Variants in STK3 observed in about 807,000 individuals in gnomAD.
STK3 encodes serine/threonine kinase 3.
In STK3, 41 loss-of-function variants were observed where a neutral mutation model predicts 58.0. The ratio of observed to expected loss-of-function variants is 0.71; its 90% CI spans 0.55 to 0.92. The LOEUF is 0.92. Among genes scored for constraint, STK3 ranks in the 40% least tolerant of loss-of-function variants. The pLI, the probability that STK3 is intolerant of heterozygous loss-of-function variation, is 0.00. For missense variants in STK3, 479 were observed against 602.7 expected, an observed-to-expected ratio of 0.79 and a Z score of 2.15; for synonymous variants, 170 against 191.0, an observed-to-expected ratio of 0.89 and a Z score of 0.91.
intron 6 of STK3, among the ~76,000 whole-genome samples, chr8:98,625,493 C>T (rs1475887882): frequency 1.3e-5 from 2 of 152,122 alleles, no homozygotes; most frequent in Non-Finnish European, 2.9e-5. Context: ...CAGAAAAAGC[C>T]CAAAGTGCCA....
At chr8:98,778,674 T>C (rs1180607091) in intron 1 of STK3, among the ~76,000 whole-genome samples, 1 of 152,110 alleles carries the variant, frequency 6.6e-6, no homozygotes, top group Non-Finnish European at 1.5e-5. Flanking sequence ...ATGTGGTACA[T>C]ATACACCATG....
chr8:98,463,393 C>A (rs1586622588), intron 10 of STK3, among the ~76,000 whole-genome samples: 1 of 150,788 alleles, frequency 6.6e-6, no homozygotes, highest in Non-Finnish European at 1.5e-5. Context: ...AAAAAAAAAA[C>A]CAAGTAAAAG....
chr8:98,694,355 C>CTT (rs745811477), intron 6 of STK3, among the ~76,000 whole-genome samples: 2 of 151,112 alleles, frequency 1.3e-5, no homozygotes, highest in Admixed American at 6.6e-5. Context: ...TAAAATAATT[C>CTT]TTTTTTTTTC....
At chr8:98,783,654 C>T (rs1163977657) in intron 1 of STK3, among the ~76,000 whole-genome samples, 1 of 152,194 alleles carries the variant, frequency 6.6e-6, no homozygotes, top group Non-Finnish European at 1.5e-5. Flanking sequence ...AAAGATTTCT[C>T]TATAGCATGT....
At chr8:98,762,064 T>C (rs1217778787) in intron 3 of STK3, among the ~76,000 whole-genome samples, 1 of 152,140 alleles carries the variant, frequency 6.6e-6, no homozygotes, top group Non-Finnish European at 1.5e-5. Flanking sequence ...ATGACCTCCC[T>C]GGGAAAACTT....
Position 98,428,215 on chromosome 8 carries a change from C to T in STK3, n.483+5912G>A, listed in dbSNP as rs1415930880. 2 of 1,614,146 alleles carry T rather than the reference C, an allele frequency of 1.2e-6. No homozygotes were observed. The highest frequency in any genetic ancestry group is 1.1e-5 in the South Asian group (1 of 91,080). On this transcript the variant is annotated intron_variant and non_coding_transcript_variant, in intron 3 of 3. Transcript: ENST00000517832. The surrounding 1 kb of genome is among the most constrained non-coding windows in gnomAD (Gnocchi z 6.7). ...TTCGACCGCAACCCTGAGCTCTTCC[C>T]CTACGTGCTGCATTTCTATCACACC... is the stretch of plus-strand genomic sequence containing the variant.
chr8:98,532,926 C>T (rs1381098351), intron 9 of STK3, among the ~76,000 whole-genome samples: 1 of 152,020 alleles, frequency 6.6e-6, no homozygotes, highest in Non-Finnish European at 1.5e-5. Context: ...TAAGTATAAT[C>T]CATTAAAGTG....
intron 6 of STK3, among the ~76,000 whole-genome samples, chr8:98,627,719 TCAG>T (rs1818845574): frequency 6.6e-6 from 1 of 152,080 alleles, no homozygotes; most frequent in South Asian, 2.1e-4. Flanking sequence ...TTACCCAGCT[TCAG>T]GTATTTATTT....
At chr8:98,544,329 T>C (rs1209223205) in intron 9 of STK3, among the ~76,000 whole-genome samples, 1 of 152,166 alleles carries the variant, frequency 6.6e-6, no homozygotes, top group Non-Finnish European at 1.5e-5. Context: ...AAAGTTTGGG[T>C]AATGTAATTT....
chr8:98,704,464 A>T (rs920357157), intron 6 of STK3, among the ~76,000 whole-genome samples: 3 of 152,166 alleles, frequency 2.0e-5, no homozygotes, highest in African/African-American at 7.2e-5. Context: ...TATACAAAAT[A>T]TGAGGAAAAA....
chr8:98,656,918 A>T (rs1821586073), intron 6 of STK3, among the ~76,000 whole-genome samples: 1 of 152,238 alleles, frequency 6.6e-6, no homozygotes, highest in African/African-American at 2.4e-5. Context: ...TTACTCTGAA[A>T]GGTGGATGAA....
chr8:98,519,230 G>C (rs1399612902), intron 10 of STK3, among the ~76,000 whole-genome samples: 1 of 151,988 alleles, frequency 6.6e-6, no homozygotes. Context: ...TTTAAAACCA[G>C]AAACATTACC....
intron 1 of STK3, among the ~76,000 whole-genome samples, chr8:98,903,532 CTTCTTCTTCTTCTTCTTCTTCTTCCTT>C (rs1564093445): frequency 1.3e-4 from 4 of 30,044 alleles, no homozygotes; most frequent in African/African-American, 3.8e-4. Flanking sequence ...TCTTCTTCTT[CTTCTTCTTCTTCTTCTTCTTCTTCCTT>C]TTTTTTTTTT....
chr8:98,613,269 C>T, intron 6 of STK3, among the ~76,000 whole-genome samples: 1 of 152,036 alleles, frequency 6.6e-6, no homozygotes, highest in East Asian at 1.9e-4. Flanking sequence ...TAAATAAGAT[C>T]CAGTCTCAGA....
At chr8:98,383,565 G>A (rs936330278) in intron 1 of STK3, among the ~76,000 whole-genome samples, 4 of 152,168 alleles carry the variant, frequency 2.6e-5, no homozygotes, top group African/African-American at 7.2e-5. Flanking sequence ...TAGGTGAAAC[G>A]TCCTGATTTT....
intron 10 of STK3, among the ~76,000 whole-genome samples, chr8:98,462,576 A>G (rs562078704): frequency 2.0e-5 from 3 of 150,758 alleles, no homozygotes; most frequent in Non-Finnish European, 4.4e-5. Flanking sequence ...TTGAGTTTAC[A>G]GGAAATCTGA....
chr8:98,795,796 AAATACAATACAATAC>A (rs58299814), intron 1 of STK3, among the ~76,000 whole-genome samples: 5,919 of 138,012 alleles, frequency 0.043, 169 homozygotes, highest in African/African-American at 0.068. Flanking sequence ...AATGGCCACA[AAATACAATACAATAC>A]AATACAATAC....
At chr8:98,510,762 T>C (rs1442348631) in intron 10 of STK3, among the ~76,000 whole-genome samples, 3 of 152,084 alleles carry the variant, frequency 2.0e-5, no homozygotes, top group East Asian at 1.9e-4. Context: ...TTTGATTTGA[T>C]TGGATGGCAA....
At chr8:98,451,749 TG>T (rs1249042520), downstream of STK3, among the ~76,000 whole-genome samples, 3 of 152,148 alleles carry the variant, frequency 2.0e-5, no homozygotes, top group African/African-American at 4.8e-5. Flanking sequence ...ACTGACTCCC[TG>T]GAAGTCACCA....
Sources: allele counts gnomAD v4.1 joint callset (sites outside exome capture counted in the v4.1 genomes callset), GRCh38; gene constraint gnomAD v4.1.1; non-coding constraint Gnocchi (gnomAD v3.1); transcripts MANE v1.5; gene names NCBI Gene and HGNC (gene_info 2026-07-23, HGNC 2026-07-21).